PLEKHA1: variants seen among roughly 807,000 people sequenced by gnomAD.
The protein encoded by PLEKHA1 is pleckstrin homology domain containing A1, also known as pleckstrin homology domain-containing family A member 1.
PLEKHA1 carries 34 observed loss-of-function variants against 52.0 expected under a neutral mutation model. That is an observed-to-expected ratio of 0.65 (90% CI 0.50 to 0.87). The LOEUF (loss-of-function observed/expected upper bound fraction) is 0.87. Ranked by LOEUF, PLEKHA1 falls within the 40% of genes least tolerant of loss-of-function variation. The pLI is 0.00. For synonymous variants in PLEKHA1, 163 were observed against 170.7 expected (o/e 0.95, Z 0.35); for missense variants, 497 against 504.2 (o/e 0.99, Z 0.14).
intron 8 of PLEKHA1, 33 bp from the exon 9 acceptor site, chr10:122,424,166 T>G: frequency 3.5e-6 from 5 of 1,436,676 alleles, no homozygotes; most frequent in Non-Finnish European, 4.6e-6. Context: ...AAACATCATG[T>G]AACTGTTTTT....
intron 1 of PLEKHA1, among the ~76,000 whole-genome samples, chr10:122,389,601 G>C (rs2096747984): frequency 6.6e-6 from 1 of 152,140 alleles, no homozygotes. Context: ...TTGGGAGGCT[G>C]AGGCAGGCTG....
chr10:122,380,308 T>A (rs760376826), intron 1 of PLEKHA1, among the ~76,000 whole-genome samples: 16 of 152,136 alleles, frequency 1.1e-4, no homozygotes, highest in Non-Finnish European at 1.6e-4. Context: ...AAATAACAAA[T>A]CCCTGCTGTC....
At chr10:122,425,965 T>G (rs2097333194) in intron 10 of PLEKHA1, among the ~76,000 whole-genome samples, 1 of 152,116 alleles carries the variant, frequency 6.6e-6, no homozygotes, top group African/African-American at 2.4e-5. Context: ...TATTGTTATT[T>G]TTTTCCCATG....
At chr10:122,386,755 G>A (rs976850763) in intron 1 of PLEKHA1, 1 of 152,064 alleles carries the variant, frequency 6.6e-6, no homozygotes, top group Middle Eastern at 3.2e-3. Flanking sequence ...CTCTCTTCCT[G>A]TTTACTAGAA....
intron 2 of PLEKHA1, among the ~76,000 whole-genome samples, chr10:122,396,192 T>A (rs966700590): frequency 6.6e-6 from 1 of 152,140 alleles, no homozygotes; most frequent in East Asian, 1.9e-4. Flanking sequence ...CTTAGAGCTC[T>A]ATTCAGCAGT....
intron 7 of PLEKHA1, among the ~76,000 whole-genome samples, chr10:122,417,373 G>A (rs1177066676): frequency 6.6e-6 from 1 of 151,894 alleles, no homozygotes; most frequent in Non-Finnish European, 1.5e-5. Flanking sequence ...AATAGGCCAG[G>A]CATGGTGGCT....
intron 11 of PLEKHA1, chr10:122,428,212 T>C: frequency 7.2e-7 from 1 of 1,384,724 alleles, no homozygotes; most frequent in Non-Finnish European, 9.5e-7. Context: ...CAGCACAACT[T>C]TCTCTTTTCC....
intron 10 of PLEKHA1, among the ~76,000 whole-genome samples, chr10:122,426,146 A>G (rs1314326927): frequency 6.6e-6 from 1 of 152,176 alleles, no homozygotes; most frequent in Non-Finnish European, 1.5e-5. Flanking sequence ...ATCTTTGTGC[A>G]TTACTTTGCC....
chr10:122,386,116 C>T (rs997239569), intron 1 of PLEKHA1, among the ~76,000 whole-genome samples: 14 of 152,216 alleles, frequency 9.2e-5, no homozygotes, highest in South Asian at 4.1e-4. Context: ...TATGATAGTT[C>T]GTTTATTTCA....
At chr10:122,398,813 T>C (rs2096887416) in intron 3 of PLEKHA1, among the ~76,000 whole-genome samples, 1 of 152,102 alleles carries the variant, frequency 6.6e-6, no homozygotes, top group Non-Finnish European at 1.5e-5. Context: ...GTTATATAAA[T>C]AAAATACTTT....
chr10:122,384,922 A>T (rs751641293), intron 1 of PLEKHA1, among the ~76,000 whole-genome samples: 1 of 152,174 alleles, frequency 6.6e-6, no homozygotes, highest in South Asian at 2.1e-4. Flanking sequence ...ACGCGACTGC[A>T]CTGCAGTCTG....
Position 122,400,367 on chromosome 10 carries a change from C to T in PLEKHA1, c.223C>T (p.Pro75Ser). 3 of 1,607,494 alleles carry T rather than the reference C, an allele frequency of 1.9e-6. No homozygotes were observed. Among genetic ancestry groups the T allele is most frequent in the Non-Finnish European group, 1.7e-6 (2 of 1,177,678 alleles). The change falls in exon 4 of 12, where the codon CCA becomes TCA. Residue 75 changes from proline (P) to serine (S), a missense_variant. Physicochemically the swap from Pro to Ser is moderately conservative, Grantham distance 74 (BLOSUM62 -1). Coordinates refer to ENST00000368990, the MANE Select transcript of PLEKHA1 (RefSeq NM_001001974.4). ...GGTTAGCGATGCTACTAAGCTAAGGCCAAAGGCGGAGTTCTGTTTTGGTAA... is the reference window on the plus strand; with the variant it reads ...GGTTAGCGATGCTACTAAGCTAAGGTCAAAGGCGGAGTTCTGTTTTGGTAA... ...SKVSDATKLR[P>S]KAEFCFVMNA...
chr10:122,419,514 C>A (rs2097227186), intron 8 of PLEKHA1: 1 of 152,084 alleles, frequency 6.6e-6, no homozygotes, highest in Non-Finnish European at 1.5e-5. Flanking sequence ...AAAGCCAATA[C>A]TCCCGGGAAG....
Position 122,412,821 on chromosome 10 carries a change from A to G in PLEKHA1, c.343-99A>G, listed in dbSNP as rs529435592. On this transcript the variant is annotated intron_variant, in intron 5 of 11. Transcript: ENST00000368990. ...CTATAATTTTTATATGTATCTGTCA[A>G]CCGTATGCAAACGGATGAATAATTA... 7.0e-5 allele frequency: 91 copies of G among 1,308,040 alleles called. No individual in the cohort carries two copies. The African/African-American group carries it at 1.1e-3, about 16-fold the overall frequency. 81.0% of individuals were successfully genotyped at this position (1,308,040 alleles called of 1,614,324 possible).
At chr10:122,378,319 T>A (rs1298090128) in intron 1 of PLEKHA1, among the ~76,000 whole-genome samples, 1 of 152,216 alleles carries the variant, frequency 6.6e-6, no homozygotes, top group African/African-American at 2.4e-5. Flanking sequence ...AGAGTTTTAA[T>A]GAGTTTTAAT....
At chr10:122,384,628 T>A (rs866585277) in intron 1 of PLEKHA1, among the ~76,000 whole-genome samples, 1,685 of 126,430 alleles carry the variant, frequency 0.013, 33 homozygotes, top group African/African-American at 0.047. Context: ...AAAAAAAAAA[T>A]GACTTGTAGT....
At chr10:122,380,205 T>C (rs898449405) in intron 1 of PLEKHA1, among the ~76,000 whole-genome samples, 2 of 152,188 alleles carry the variant, frequency 1.3e-5, no homozygotes, top group Non-Finnish European at 2.9e-5. Flanking sequence ...TTTGATGCAG[T>C]AATTATGGGT....
intron 5 of PLEKHA1, among the ~76,000 whole-genome samples, chr10:122,407,214 A>C (rs911685890): frequency 6.6e-6 from 1 of 152,172 alleles, no homozygotes; most frequent in Non-Finnish European, 1.5e-5. Flanking sequence ...AGTTTGTCTC[A>C]GGCTCTAAAC....
chr10:122,424,221 TACCAC>T lies in PLEKHA1; in HGVS notation c.705_709del (p.Pro236Ter). 1 of 1,366,170 alleles carries T rather than the reference TACCAC, an allele frequency of 7.3e-7. No individual in the cohort carries two copies. The highest frequency in any genetic ancestry group is 2.1e-5 in the Admixed American group (1 of 48,236). The allele number at this position is 1,366,170 out of a possible 1,614,324, so 84.6% of individuals were successfully genotyped here. The stretch of plus-strand genomic sequence containing the variant: ...CAGGAAAAGGAACCTCTTCGTGTAA[TACCAC>T]TTAAAGAGGTTCATAAAGTCCAGGA... On this transcript the variant is annotated frameshift_variant, in exon 9 of 12. Coordinates refer to ENST00000368990, the MANE Select transcript of PLEKHA1 (RefSeq NM_001001974.4). LOFTEE classifies it high-confidence loss of function.
Sources: gnomAD v4.1 joint callset for allele counts (sites outside exome capture counted in the v4.1 genomes callset) on GRCh38, gnomAD v4.1.1 for gene constraint, MANE v1.5 for transcripts, NCBI Gene and HGNC (gene_info 2026-07-23, HGNC 2026-07-21) for gene names.